The following MAST2 variants were observed in gnomAD, a reference collection of about 807,000 sequenced individuals.
MAST2 encodes microtubule associated serine/threonine kinase 2, also known as microtubule-associated serine/threonine-protein kinase 2.
MAST2 carries 70 observed loss-of-function variants against 147.4 expected under a neutral mutation model. That is an observed-to-expected ratio of 0.47 (90% CI 0.39 to 0.58). The LOEUF is 0.58. MAST2 is among the 20% of genes least tolerant of loss of function. The pLI is 0.00. For missense variants in MAST2, 2,080 were observed against 2,302.3 expected (o/e 0.90, Z 1.98); for synonymous variants, 869 against 896.8 (o/e 0.97, Z 0.55).
In MAST2 at chr1:46,027,808, C is replaced by A; in HGVS notation, c.1997C>A (p.Thr666Lys). The A allele has an allele frequency of 6.2e-7, 1 of 1,614,162 alleles. No individual in the cohort carries two copies. The highest frequency in any genetic ancestry group is 8.5e-7 in the Non-Finnish European group (1 of 1,180,034). ...LSKIGLMSLT[T>K]NLYEGHIEKD... ...AAAATTGGCCTCATGAGTCTGACAA[C>A]GAACTTGTATGAGGGTCATATTGAA... is the stretch of plus-strand genomic sequence containing the variant. Residue 666 changes from threonine (T) to lysine (K), a missense_variant, in exon 17 of 29, where the codon ACG (threonine) becomes AAG (lysine). Physicochemically the swap from Thr to Lys is moderately conservative, Grantham distance 78. Transcript: ENST00000361297.
At chr1:45,982,772 T>C (rs1644462672) in intron 5 of MAST2, among the ~76,000 whole-genome samples, 1 of 152,162 alleles carries the variant, frequency 6.6e-6, no homozygotes, top group South Asian at 2.1e-4. Context: ...TCTTGGCCCC[T>C]CCCCCTGCCA....
intron 5 of MAST2, among the ~76,000 whole-genome samples, chr1:45,988,312 C>A (rs1644729387): frequency 6.6e-6 from 1 of 152,192 alleles, no homozygotes; most frequent in South Asian, 2.1e-4. Flanking sequence ...GCACACCCAG[C>A]CTCTAATTTC....
chr1:45,819,113 C>T (rs1644541638), intron 1 of MAST2, among the ~76,000 whole-genome samples: 1 of 151,946 alleles, frequency 6.6e-6, no homozygotes, highest in African/African-American at 2.4e-5. Context: ...CTTAGCCAGG[C>T]ATGGTGGCAC....
intron 18 of MAST2, 78 bp from the exon 19 acceptor site, chr1:46,029,388 A>T: frequency 8.1e-7 from 1 of 1,230,342 alleles, no homozygotes; most frequent in Non-Finnish European, 1.1e-6. Flanking sequence ...CTTTCCTTTC[A>T]CTGTTCTGGG....
At chr1:45,816,314 G>A (rs1644453409) in intron 1 of MAST2, among the ~76,000 whole-genome samples, 1 of 151,826 alleles carries the variant, frequency 6.6e-6, no homozygotes, top group Non-Finnish European at 1.5e-5. Context: ...AGATCGCAAA[G>A]GCTACAATGT....
intron 4 of MAST2, among the ~76,000 whole-genome samples, chr1:45,890,625 A>G (rs1008463608): frequency 6.6e-6 from 1 of 152,192 alleles, no homozygotes; most frequent in Non-Finnish European, 1.5e-5. Flanking sequence ...AAGAACCTAT[A>G]TGGAAATATA....
intron 1 of MAST2, among the ~76,000 whole-genome samples, chr1:45,806,950 C>T (rs1285549511): frequency 6.6e-6 from 1 of 152,080 alleles, no homozygotes; most frequent in African/African-American, 2.4e-5. Context: ...TCAAGTGATT[C>T]TCCCACCTTG....
Position 45,957,539 on chromosome 1 carries a change from G to C in MAST2, c.501-1847G>C, listed in dbSNP as rs566607848. Among the ~76,000 whole-genome samples the C allele has an allele frequency of 2.6e-5, 4 of 152,286 alleles. No homozygotes were observed. In the East Asian group the frequency reaches 7.7e-4, roughly 29 times the overall value. Reference sequence around the variant, plus strand: ...TTTCTGGCACAATCATTGGCTCACTGTAGCCATGAACCCCTGGAGTCAAGC... The same window carrying C: ...TTTCTGGCACAATCATTGGCTCACTCTAGCCATGAACCCCTGGAGTCAAGC... On this transcript the variant is annotated intron_variant, in intron 4 of 28. Transcript: ENST00000361297.
At chr1:45,830,609 T>C (rs912698677) in intron 3 of MAST2, among the ~76,000 whole-genome samples, 1 of 152,226 alleles carries the variant, frequency 6.6e-6, no homozygotes, top group Admixed American at 6.5e-5. Flanking sequence ...ATTCTTTTTA[T>C]AGAAATGATT....
At chr1:45,814,148 A>G (rs1162400902) in intron 1 of MAST2, among the ~76,000 whole-genome samples, 1 of 152,202 alleles carries the variant, frequency 6.6e-6, no homozygotes, top group Non-Finnish European at 1.5e-5. Context: ...ATATACAACT[A>G]TGTTACTTGC....
intron 4 of MAST2, among the ~76,000 whole-genome samples, chr1:45,909,977 G>C (rs1440433665): frequency 2.0e-5 from 3 of 150,502 alleles, no homozygotes; most frequent in African/African-American, 7.3e-5. Flanking sequence ...TGCCTGCCTC[G>C]GCCTCCCAAA....
chr1:45,890,677 A>T (rs922019047), intron 4 of MAST2, among the ~76,000 whole-genome samples: 3 of 152,160 alleles, frequency 2.0e-5, no homozygotes. Context: ...TTTTGGGGAG[A>T]CACAGTTTAG....
Position 45,888,767 on chromosome 1 carries a change from C to T in MAST2, c.500+6372C>T, listed in dbSNP as rs1441012244. 9.6e-5 allele frequency among the ~76,000 whole-genome samples: 14 copies of T among 145,420 alleles called. 1 individual carries two copies. The highest frequency in any genetic ancestry group is 5.6e-4 in the Admixed American group (8 of 14,222). The stretch of plus-strand genomic sequence containing the variant: ...CACAATCTCGCCTCACTGCAACCTC[C>T]GCCTCCCAGGTTCAAGTGATTCTTC... On this transcript the variant is annotated intron_variant, in intron 4 of 28. Transcript: ENST00000361297.
chr1:45,824,542 G>C lies in MAST2; in HGVS notation c.287G>C (p.Cys96Ser). 1 of 1,608,964 alleles carries C rather than the reference G, an allele frequency of 6.2e-7. No individual in the cohort carries two copies. The change falls in exon 2 of 29, where the codon TGT becomes TCT. Residue 96 changes from cysteine to serine, a missense_variant. By Grantham distance (112) the Cys-to-Ser change is moderately radical. Coordinates refer to ENST00000361297, the MANE Select transcript of MAST2 (RefSeq NM_015112.3). ...KLQRQLSQDD[C>S]KLWRGNLASS... is the part of the protein sequence containing the mutation. ...CAGCGACAACTGAGTCAGGATGATT[G>C]TAAGTTATGGAGAGGAAACCTGGCC...
chr1:46,012,669 G>A (rs1645762268), intron 10 of MAST2, among the ~76,000 whole-genome samples: 1 of 152,054 alleles, frequency 6.6e-6, no homozygotes, highest in African/African-American at 2.4e-5. Context: ...GATCTTAACA[G>A]GTAGGAGTTC....
At chr1:45,837,300 G>T (rs191874156) in intron 3 of MAST2, among the ~76,000 whole-genome samples, 2 of 152,336 alleles carry the variant, frequency 1.3e-5, no homozygotes, top group Non-Finnish European at 2.9e-5. Flanking sequence ...CCAGCCTTTG[G>T]CAACTACTGA....
chr1:45,986,848 A>G (rs1557428533), intron 5 of MAST2, among the ~76,000 whole-genome samples: 1 of 152,044 alleles, frequency 6.6e-6, no homozygotes, highest in Admixed American at 6.6e-5. Flanking sequence ...TTATCTTATA[A>G]TATCTTTGTC....
In MAST2 at chr1:46,031,125, C is replaced by A; in HGVS notation, c.2827C>A (p.Pro943Thr). The A allele has an allele frequency of 6.2e-7, 1 of 1,611,056 alleles. No homozygotes were observed. The highest frequency in any genetic ancestry group is 8.5e-7 in the Non-Finnish European group (1 of 1,178,040). Residue 943 changes from proline to threonine, a missense_variant, in exon 23 of 29, where the codon CCT becomes ACT. By Grantham distance (38) the Pro-to-Thr change is conservative. Around this residue, in one of 4 missense-constraint regions of MAST2, gnomAD observed 1,278 missense variants for 1,304.2 expected, o/e 0.98. Coordinates refer to ENST00000361297, the MANE Select transcript of MAST2 (RefSeq NM_015112.3). This position sits in a 1 kb window ranked among gnomAD's most constrained non-coding sequence, Gnocchi z 4.1. ...GGATGCGCCTCGGTTCCCGGAGGGC[C>A]CTGAGGAGGCCAGCAGCACCCTCAG... ...LLDAPRFPEG[P>T]EEASSTLRRQ...
chr1:46,002,298 C>A (rs1424566111), intron 6 of MAST2, among the ~76,000 whole-genome samples: 1 of 152,158 alleles, frequency 6.6e-6, no homozygotes, highest in Non-Finnish European at 1.5e-5. Context: ...CTAACGGCTC[C>A]TAGGCAGCCT....
Sources: allele counts gnomAD v4.1 joint callset (sites outside exome capture counted in the v4.1 genomes callset), GRCh38; gene constraint gnomAD v4.1.1; regional missense constraint gnomAD v4.1.1; non-coding constraint Gnocchi (gnomAD v3.1); transcripts MANE v1.5; gene names NCBI Gene and HGNC (gene_info 2026-07-23, HGNC 2026-07-21).